SH3BP2: variants seen among roughly 807,000 people sequenced by gnomAD.
The protein encoded by SH3BP2 is SH3 domain-binding protein 2.
A neutral mutation model predicts 56.2 loss-of-function variants in SH3BP2; 38 were observed. The ratio of observed to expected loss-of-function variants is 0.68; its 90% confidence interval spans 0.52 to 0.89. The LOEUF is 0.89. Among genes scored for constraint, SH3BP2 ranks in the 40% least tolerant of loss-of-function variants. SH3BP2 has a pLI of 0.00. For synonymous variants in SH3BP2, 346 were observed against 316.7 expected, an observed-to-expected ratio of 1.09 and a Z score of -0.98; for missense variants, 748 against 762.6, an observed-to-expected ratio of 0.98 and a Z score of 0.23.
chr4:2,795,092 T>C (rs1405702741), intron 1 of SH3BP2, among the ~76,000 whole-genome samples: 1 of 152,084 alleles, frequency 6.6e-6, no homozygotes, highest in Admixed American at 6.5e-5. Flanking sequence ...TGGCTATGAG[T>C]GTCCGTAGGG....
At chr4:2,820,906 G>A (rs766251745) in intron 2 of SH3BP2, among the ~76,000 whole-genome samples, 153 bp downstream of exon 2, 1 of 152,172 alleles carries the variant, frequency 6.6e-6, no homozygotes, top group Non-Finnish European at 1.5e-5. Flanking sequence ...CCCTGGAGAA[G>A]CAGAGGTTGA....
At chr4:2,833,542 G>T (rs1327424842) in intron 12 of SH3BP2, 155 bp from the exon 13 acceptor site, 3 of 881,894 alleles carry the variant, frequency 3.4e-6, no homozygotes, top group Non-Finnish European at 5.4e-6. Flanking sequence ...CAGGCCTGAT[G>T]CGGAGGCCAC....
In SH3BP2 at chr4:2,839,090, A is replaced by G. The variant is rs962724600; in HGVS notation, c.*5256A>G. ...AGATTGAGCATATTTTTATGTTTTTATTAACCATTTTGATTTTGTCTCCTG... is the reference window on the plus strand; with the variant it reads ...AGATTGAGCATATTTTTATGTTTTTGTTAACCATTTTGATTTTGTCTCCTG... On this transcript the variant is annotated 3_prime_UTR_variant, in exon 13 of 13. Coordinates refer to ENST00000503393, the MANE Select transcript of SH3BP2 (RefSeq NM_001122681.2). 6.6e-6 allele frequency: 1 copy of G among 151,584 alleles called. No homozygotes were observed. Among genetic ancestry groups the G allele is most frequent in the African/African-American group, 2.4e-5 (1 of 41,198 alleles). The allele number at this position is 151,584 out of a possible 1,614,324, so 9.4% of individuals were successfully genotyped here. A position where few individuals can be genotyped will look rare whatever the true frequency, so the allele number is the denominator to read the frequency against.
At chr4:2,813,412 C>T (rs1377962462) in intron 1 of SH3BP2, among the ~76,000 whole-genome samples, 10 of 152,248 alleles carry the variant, frequency 6.6e-5, no homozygotes, top group African/African-American at 2.2e-4. Flanking sequence ...CTGAGAAGCA[C>T]AGAGCTTGGC....
chr4:2,831,634 A>G lies in SH3BP2; in HGVS notation c.1305A>G (p.Ser435=), dbSNP rs2108741131. The G allele has an allele frequency of 6.2e-7, 1 of 1,607,252 alleles. No individual in the cohort carries two copies. Among genetic ancestry groups the G allele is most frequent in the Non-Finnish European group, 8.5e-7 (1 of 1,176,668 alleles). The change falls in exon 9 of 13, where the codon TCA becomes TCG. Residue 435 remains serine (S), a synonymous_variant. Transcript: ENST00000503393. This position sits in a 1 kb window ranked among gnomAD's most constrained non-coding sequence, Gnocchi z 4.1. ...SFSFEKPRQP[S]QADTGGDDSD... Reference sequence around the variant, plus strand: ...CCTTTGAAAAGCCCCGGCAACCCTCACAGGCTGACACTGGCGGGGACGACT... The same window carrying G: ...CCTTTGAAAAGCCCCGGCAACCCTCGCAGGCTGACACTGGCGGGGACGACT...
intron 3 of SH3BP2, among the ~76,000 whole-genome samples, chr4:2,823,239 C>T (rs1724407404): frequency 6.6e-6 from 1 of 152,238 alleles, no homozygotes; most frequent in South Asian, 2.1e-4. Flanking sequence ...GGCGCAGGAC[C>T]TTGGGGGTGC....
At position 2,803,065 on chromosome 4, in the gene SH3BP2, AG is replaced by A. The variant is rs773311987; in HGVS notation, c.-5+9930del. 4.6e-5 allele frequency among the ~76,000 whole-genome samples: 7 copies of A among 152,226 alleles called. No homozygotes were observed. The South Asian group carries it at 6.2e-4, about 13-fold the overall frequency. On this transcript the variant is annotated intron_variant, in intron 1 of 12. Transcript: ENST00000503393. ...GAGCTGCATGGTTTTGTGCGGTCCA[AG>A]GGAGGCCGCCAAGACCGCCACGGTA...
intron 4 of SH3BP2, 72 bp downstream of exon 4, chr4:2,824,802 C>G: frequency 8.5e-7 from 1 of 1,174,630 alleles, no homozygotes; most frequent in Non-Finnish European, 1.3e-6. Context: ...CTGGACCTGC[C>G]TTGGGGGCTC....
chr4:2,823,119 C>G (rs992167295), intron 3 of SH3BP2, 82 bp downstream of exon 3: 1 of 1,003,696 alleles, frequency 1.0e-6, no homozygotes, highest in Non-Finnish European at 1.6e-6. Context: ...GGGCCTGCCC[C>G]TTATTCCCGC....
chr4:2,824,447 G>A (rs560678788), intron 3 of SH3BP2, among the ~76,000 whole-genome samples, 166 bp from the exon 4 acceptor site: 1 of 151,852 alleles, frequency 6.6e-6, no homozygotes, highest in South Asian at 2.1e-4. Flanking sequence ...CGCCTGCCTG[G>A]GCATGAAGCT....
intron 1 of SH3BP2, chr4:2,818,702 G>A (rs1724134852): frequency 4.0e-6 from 4 of 999,082 alleles, no homozygotes. Context: ...GTGTGGCGGC[G>A]CCTTTGTTCC....
intron 1 of SH3BP2, chr4:2,818,194 C>T: frequency 1.0e-6 from 1 of 987,436 alleles, no homozygotes; most frequent in Non-Finnish European, 1.2e-6. Context: ...AGGGGAGGAG[C>T]CGGCGGCTGC....
Position 2,836,393 on chromosome 4 carries a change from T to C in SH3BP2, c.*2559T>C, listed in dbSNP as rs1187030702. ...GGGTAGGGTTGGGATTACCATTTAC[T>C]GACCACATCTGTGAGGTGCCGAGCT... is the stretch of plus-strand genomic sequence containing the variant. On this transcript the variant is annotated 3_prime_UTR_variant, in exon 13 of 13. Transcript: ENST00000503393. 1.3e-5 allele frequency: 2 copies of C among 152,292 alleles called. No individual in the cohort carries two copies. The highest frequency in any genetic ancestry group is 2.1e-4 in the South Asian group (1 of 4,836). 9.4% of individuals were successfully genotyped at this position (152,292 alleles called of 1,614,324 possible). A position where few individuals can be genotyped will look rare whatever the true frequency, so the allele number is the denominator to read the frequency against.
At chr4:2,832,019 C>T (rs775386241) in intron 10 of SH3BP2, 41 bp downstream of exon 10, 2 of 1,598,070 alleles carry the variant, frequency 1.3e-6, no homozygotes, top group Non-Finnish European at 1.7e-6. Flanking sequence ...CTCCGCCATG[C>T]CCGGCTTCCT....
chr4:2,802,288 G>A (rs1723311983), intron 1 of SH3BP2, among the ~76,000 whole-genome samples: 1 of 152,068 alleles, frequency 6.6e-6, no homozygotes, highest in African/African-American at 2.4e-5. Flanking sequence ...CCCAGCTATA[G>A]GAGGCTGAGG....
chr4:2,808,595 A>G (rs1723627760), intron 1 of SH3BP2, among the ~76,000 whole-genome samples: 1 of 152,094 alleles, frequency 6.6e-6, no homozygotes, highest in Admixed American at 6.5e-5. Flanking sequence ...ATCATGGGAC[A>G]GCAATCAGAA....
chr4:2,798,932 A>C (rs1243301038), intron 1 of SH3BP2: 5 of 952,776 alleles, frequency 5.2e-6, no homozygotes, highest in Non-Finnish European at 6.2e-6. Context: ...CGTGAGGGTG[A>C]GGGTGTGCCC....
chr4:2,794,592 A>C (rs1328593047), intron 1 of SH3BP2, among the ~76,000 whole-genome samples: 1 of 152,214 alleles, frequency 6.6e-6, no homozygotes, highest in Non-Finnish European at 1.5e-5. Flanking sequence ...GGGGGCAGGC[A>C]GAAGGAAGAC....
chr4:2,829,587 C>T lies in SH3BP2; in HGVS notation c.681C>T (p.Thr227=). 1 of 1,612,650 alleles carries T rather than the reference C, an allele frequency of 6.2e-7. No individual in the cohort carries two copies. The highest frequency in any genetic ancestry group is 8.5e-7 in the Non-Finnish European group (1 of 1,179,398). Residue 227 remains threonine (T), a synonymous_variant, in exon 8 of 13, where the codon ACC becomes ACT. Transcript: ENST00000503393. The surrounding 1 kb of genome is among the most constrained non-coding windows in gnomAD (Gnocchi z 4.9). ...ACATGCCCCGGGCCCACTCCTTTAC[C>T]TCCAAGGGCCCCGGTCCCCTACTGC... The part of the protein sequence containing the change: ...FSDMPRAHSF[T]SKGPGPLLPP...
Sources: allele counts gnomAD v4.1 joint callset (sites outside exome capture counted in the v4.1 genomes callset), GRCh38; gene constraint gnomAD v4.1.1; non-coding constraint Gnocchi (gnomAD v3.1); transcripts MANE v1.5; gene names NCBI Gene and HGNC (gene_info 2026-07-23, HGNC 2026-07-21).